The following SLC24A3 variants were observed in gnomAD, a reference collection of about 807,000 sequenced individuals.
SLC24A3 encodes the protein solute carrier family 24 member 3, also known as sodium/potassium/calcium exchanger 3.
In SLC24A3, 28 loss-of-function variants were observed where a neutral mutation model predicts 75.8. The ratio of observed to expected loss-of-function variants is 0.37; its 90% CI spans 0.27 to 0.51. The LOEUF (loss-of-function observed/expected upper bound fraction) is 0.51. Among genes scored for constraint, SLC24A3 ranks in the 20% least tolerant of loss-of-function variants. The pLI is 0.94. For synonymous variants in SLC24A3, 372 were observed against 334.1 expected, an observed-to-expected ratio of 1.11 and a Z score of -1.24; for missense variants, 663 against 847.8, an observed-to-expected ratio of 0.78 and a Z score of 2.71.
At chr20:19,471,545 C>T (rs1987870775) in intron 2 of SLC24A3, among the ~76,000 whole-genome samples, 1 of 152,040 alleles carries the variant, frequency 6.6e-6, no homozygotes, top group Non-Finnish European at 1.5e-5. Context: ...TGGGAGAAGT[C>T]CCTATTTCTG....
chr20:19,570,796 A>G (rs1269407347), intron 3 of SLC24A3, among the ~76,000 whole-genome samples: 1 of 152,132 alleles, frequency 6.6e-6, no homozygotes, highest in South Asian at 2.1e-4. Context: ...GCCTGTATTC[A>G]TAGTGGAAGG....
chr20:19,507,375 T>C (rs1011630825), intron 2 of SLC24A3, among the ~76,000 whole-genome samples: 3 of 152,206 alleles, frequency 2.0e-5, no homozygotes, highest in African/African-American at 7.2e-5. Flanking sequence ...CACAAGGAGC[T>C]AGGATATGCT....
chr20:19,299,060 G>A (rs139327446), intron 2 of SLC24A3, among the ~76,000 whole-genome samples: 7 of 152,266 alleles, frequency 4.6e-5, no homozygotes, highest in South Asian at 2.1e-4. Context: ...GAAAAAAGCC[G>A]GCACTGCCAG....
At chr20:19,595,206 C>A (rs1050168323) in intron 6 of SLC24A3, among the ~76,000 whole-genome samples, 1 of 152,190 alleles carries the variant, frequency 6.6e-6, no homozygotes, top group African/African-American at 2.4e-5. Context: ...TCTAAGCAGA[C>A]ACATCACGCA....
intron 1 of SLC24A3, among the ~76,000 whole-genome samples, chr20:19,238,294 A>T (rs540044258): frequency 1.3e-5 from 2 of 152,280 alleles, no homozygotes; most frequent in East Asian, 3.9e-4. Context: ...TGTGAGATTC[A>T]TCCGTGTCGT....
intron 6 of SLC24A3, among the ~76,000 whole-genome samples, chr20:19,634,580 A>G (rs1271873704): frequency 1.3e-5 from 2 of 151,910 alleles, no homozygotes; most frequent in Non-Finnish European, 2.9e-5. Context: ...AATAAAAAAG[A>G]GAAAATTATT....
intron 2 of SLC24A3, among the ~76,000 whole-genome samples, chr20:19,309,904 G>C (rs1423924946): frequency 6.6e-6 from 1 of 152,136 alleles, no homozygotes; most frequent in African/African-American, 2.4e-5. Context: ...CACGCCCCAG[G>C]AGTGACTCTG....
chr20:19,462,418 G>A (rs150861296), intron 2 of SLC24A3, among the ~76,000 whole-genome samples: 157 of 148,196 alleles, frequency 1.1e-3, no homozygotes, highest in Middle Eastern at 3.5e-3. Context: ...CACCACGCCC[G>A]GCTAAGCTTT....
rs141392352 is a variant in SLC24A3 at position 19,673,134 on chromosome 20, C to T, written c.714-467C>T. The stretch of plus-strand genomic sequence containing the variant: ...ACTGGTACCTTCCCTGCCCAGGTTC[C>T]GTCTGTCTGTCTGCCTGCCTCTCTC... On this transcript the variant is annotated intron_variant, in intron 8 of 16. Coordinates refer to ENST00000328041, the MANE Select transcript of SLC24A3 (RefSeq NM_020689.4). Among the ~76,000 whole-genome samples, 60 of 152,244 alleles carry T rather than the reference C, an allele frequency of 3.9e-4. 1 individual carries two copies. Among genetic ancestry groups the T allele is most frequent in the African/African-American group, 1.1e-3 (45 of 41,540 alleles).
rs768535356 is a variant in SLC24A3, at chr20:19,654,073, T to C, written c.624T>C (p.Leu208=). ...CGLFAGQVVA[L]SSWCLLRDSI... ...CCCTTGTCCTGCAGGTTGTGGCTCT[T>C]TCCTCCTGGTGCCTGCTGAGGGATT... The change falls in exon 7 of 17, where the codon CTT becomes CTC. Residue 208 remains leucine, a synonymous_variant. Transcript: ENST00000328041. The C allele has an allele frequency of 6.2e-7, 1 of 1,613,492 alleles. No homozygotes were observed. The highest frequency in any genetic ancestry group is 1.1e-5 in the South Asian group (1 of 91,066).
At chr20:19,274,194 C>T (rs571967827) in intron 1 of SLC24A3, among the ~76,000 whole-genome samples, 1 of 151,302 alleles carries the variant, frequency 6.6e-6, no homozygotes, top group Non-Finnish European at 1.5e-5. Context: ...CTGTGATTGC[C>T]GCCGCTGAGT....
At chr20:19,653,865 G>A (rs1482521034) in intron 6 of SLC24A3, among the ~76,000 whole-genome samples, 197 bp from the exon 7 acceptor site, 1 of 152,194 alleles carries the variant, frequency 6.6e-6, no homozygotes, top group African/African-American at 2.4e-5. Context: ...AATTGTTGCA[G>A]GTTTAATTGT....
In SLC24A3 at chr20:19,280,984, G is replaced by A. The variant is rs1983645587; in HGVS notation, c.168G>A (p.Gly56=). ...QKELDLMDLV[G]EDRKWMMARK... ...AGCTTGACCTCATGGACCTCGTAGG[G>A]GAAGACAGAAAGTGGATGATGGCGA... Residue 56 remains glycine (G), a synonymous_variant, in exon 2 of 17, where the codon GGG becomes GGA. Coordinates refer to ENST00000328041, the MANE Select transcript of SLC24A3 (RefSeq NM_020689.4). 2 of 1,613,816 alleles carry A rather than the reference G, an allele frequency of 1.2e-6. No homozygotes were observed. The highest frequency in any genetic ancestry group is 2.7e-5 in the African/African-American group (2 of 74,902).
At chr20:19,348,439 G>A (rs915548994) in intron 2 of SLC24A3, among the ~76,000 whole-genome samples, 5 of 152,126 alleles carry the variant, frequency 3.3e-5, no homozygotes, top group African/African-American at 1.2e-4. Context: ...CACGTATAGG[G>A]CATTTCCATC....
chr20:19,585,762 A>G (rs1173647080), intron 6 of SLC24A3, among the ~76,000 whole-genome samples: 2 of 152,196 alleles, frequency 1.3e-5, no homozygotes, highest in Non-Finnish European at 2.9e-5. Flanking sequence ...GATGGAATAT[A>G]GAATGCTCAG....
intron 3 of SLC24A3, among the ~76,000 whole-genome samples, chr20:19,517,818 A>G (rs2030024904): frequency 6.6e-6 from 1 of 152,292 alleles, no homozygotes; most frequent in African/African-American, 2.4e-5. Flanking sequence ...GGCAAGCTTC[A>G]ACACACAACA....
At chr20:19,427,990 A>G (rs1987040132) in intron 2 of SLC24A3, among the ~76,000 whole-genome samples, 1 of 152,246 alleles carries the variant, frequency 6.6e-6, no homozygotes, top group Non-Finnish European at 1.5e-5. Context: ...GCAGTAACAC[A>G]TCAGGGATCT....
At chr20:19,395,390 A>G (rs1012580174) in intron 2 of SLC24A3, among the ~76,000 whole-genome samples, 10 of 152,250 alleles carry the variant, frequency 6.6e-5, no homozygotes, top group African/African-American at 2.2e-4. Context: ...TGATCTCAAC[A>G]TCAGAACTGA....
intron 1 of SLC24A3, among the ~76,000 whole-genome samples, chr20:19,259,593 C>T (rs1331539376): frequency 6.6e-6 from 1 of 152,218 alleles, no homozygotes; most frequent in Admixed American, 6.5e-5. Flanking sequence ...GTTCATGGAA[C>T]ACATCGAGCT....
Sources: allele counts gnomAD v4.1 joint callset (sites outside exome capture counted in the v4.1 genomes callset), GRCh38; gene constraint gnomAD v4.1.1; transcripts MANE v1.5; gene names NCBI Gene and HGNC (gene_info 2026-07-23, HGNC 2026-07-21).